The following ADAM29 variants were observed in gnomAD, a reference collection of about 807,000 sequenced individuals.
ADAM29 encodes ADAM metallopeptidase domain 29, also known as disintegrin and metalloproteinase domain-containing protein 29.
For synonymous variants in ADAM29, 367 were observed against 342.3 expected (o/e 1.07, Z -0.80); for missense variants, 969 against 1,001.8 (o/e 0.97, Z 0.44).
chr4:174,973,126 T>A (rs1746562190), intron 4 of ADAM29, among the ~76,000 whole-genome samples: 1 of 152,114 alleles, frequency 6.6e-6, no homozygotes, highest in South Asian at 2.1e-4. Flanking sequence ...GAAGTTGGGT[T>A]ATGGGGGGGC....
At chr4:174,964,161 T>C (rs1445518168) in intron 4 of ADAM29, among the ~76,000 whole-genome samples, 2 of 152,044 alleles carry the variant, frequency 1.3e-5, no homozygotes, top group Non-Finnish European at 2.9e-5. Context: ...CATTTGGAGA[T>C]AGCTTCTATA....
At position 174,975,990 on chromosome 4, in the gene ADAM29, G is replaced by A. The variant is rs1746759766; in HGVS notation, c.465G>A (p.Glu155=). Residue 155 remains glutamate (E), a synonymous_variant, in exon 5 of 5, where the codon GAG becomes GAA. Transcript: ENST00000359240. ...ATCTGGTATACAAGATGGACAGTGAGGAGAAACAATTTTCAACCATGAGAT... is the reference window on the plus strand; with the variant it reads ...ATCTGGTATACAAGATGGACAGTGAAGAGAAACAATTTTCAACCATGAGAT... ...FEHLVYKMDS[E]EKQFSTMRSG... is the part of the protein sequence containing the mutation. The A allele has an allele frequency of 1.9e-6, 3 of 1,613,966 alleles. No individual in the cohort carries two copies. The highest frequency in any genetic ancestry group is 4.5e-5 in the East Asian group (2 of 44,872).
intron 4 of ADAM29, among the ~76,000 whole-genome samples, chr4:174,964,138 G>A (rs527909076): frequency 1.3e-5 from 2 of 152,108 alleles, no homozygotes; most frequent in Admixed American, 1.3e-4. Context: ...CCCAGTACTT[G>A]AGAATGTGAC....
intron 2 of ADAM29, among the ~76,000 whole-genome samples, chr4:174,927,226 TCTA>T (rs1743571948): frequency 6.6e-6 from 1 of 152,220 alleles, no homozygotes; most frequent in Non-Finnish European, 1.5e-5. Flanking sequence ...AACCAGCCAC[TCTA>T]CTTTTAGGTG....
intron 4 of ADAM29, among the ~76,000 whole-genome samples, chr4:174,966,756 C>T (rs1476280889): frequency 6.6e-6 from 1 of 152,166 alleles, no homozygotes; most frequent in Non-Finnish European, 1.5e-5. Context: ...GTCCCTCACT[C>T]TTTGAGACCA....
chr4:174,918,812 A>G (rs1015390174), intron 1 of ADAM29: 28 of 152,300 alleles, frequency 1.8e-4, no homozygotes, highest in Admixed American at 1.7e-3. Flanking sequence ...TCTCAGGAGT[A>G]TAAATTGAAT....
chr4:174,928,677 A>G (rs1743669688), intron 2 of ADAM29, among the ~76,000 whole-genome samples: 1 of 152,056 alleles, frequency 6.6e-6, no homozygotes. Flanking sequence ...CCTGAAACAA[A>G]AGATGGGACA....
At chr4:174,951,080 G>C (rs1745149519) in intron 4 of ADAM29, among the ~76,000 whole-genome samples, 1 of 152,138 alleles carries the variant, frequency 6.6e-6, no homozygotes. Context: ...TTATAGTAGT[G>C]TGAAAATGGA....
chr4:174,962,213 A>C (rs537040100), intron 4 of ADAM29, among the ~76,000 whole-genome samples: 1 of 152,306 alleles, frequency 6.6e-6, no homozygotes, highest in South Asian at 2.1e-4. Context: ...ATCATGTTAA[A>C]AAGATTTACA....
intron 4 of ADAM29, among the ~76,000 whole-genome samples, chr4:174,962,616 G>A (rs754373561): frequency 1.9e-4 from 29 of 151,736 alleles, no homozygotes; most frequent in Non-Finnish European, 3.8e-4. Context: ...GAAAATGCTA[G>A]AGTGGATTTT....
intron 4 of ADAM29, among the ~76,000 whole-genome samples, chr4:174,960,444 A>G (rs986709472): frequency 1.3e-5 from 2 of 152,118 alleles, no homozygotes; most frequent in African/African-American, 4.8e-5. Flanking sequence ...AGTTTTTTAA[A>G]AAGTATTTAG....
Position 174,977,925 on chromosome 4 carries a change from A to AGAGTCAACCTCCTGTGACG in ADAM29, c.2400_2401insGAGTCAACCTCCTGTGACG (p.Pro801GlufsTer65), listed in dbSNP as rs1746995669. 1 of 1,303,916 alleles carries AGAGTCAACCTCCTGTGACG rather than the reference A, an allele frequency of 7.7e-7. No individual in the cohort carries two copies. Among genetic ancestry groups the AGAGTCAACCTCCTGTGACG allele is most frequent in the South Asian group, 1.3e-5 (1 of 75,026 alleles). The allele number at this position is 1,303,916 out of a possible 1,614,324, so 80.8% of individuals were successfully genotyped here. ...CTTCCCAGAGTCAACCTCCTGTGAC[A>AGAGTCAACCTCCTGTGACG]CCCTCCCAGAGGCAACCTCAGTTGA... On this transcript the variant is annotated frameshift_variant, in exon 5 of 5. Coordinates refer to ENST00000359240, the MANE Select transcript of ADAM29 (RefSeq NM_014269.4). LOFTEE classifies it high-confidence loss of function.
At position 174,976,594 on chromosome 4, in the gene ADAM29, C is replaced by T. The variant is rs756501819; in HGVS notation, c.1069C>T (p.His357Tyr). ...CRCSQPRCIM[H>Y]EGNPPITKFS... is the part of the protein sequence containing the mutation. ...TTGTTCACAACCTAGATGCATAATG[C>T]ATGAAGGCAACCCACCAATAACTAA... Residue 357 changes from histidine (H) to tyrosine (Y), a missense_variant, in exon 5 of 5, where the codon CAT (histidine) becomes TAT (tyrosine). His to Tyr is a moderately conservative substitution (Grantham distance 83). Transcript: ENST00000359240. 2.0e-5 allele frequency: 32 copies of T among 1,605,128 alleles called. No individual in the cohort carries two copies. Among genetic ancestry groups the T allele is most frequent in the Non-Finnish European group, 2.6e-5 (31 of 1,175,692 alleles).
At chr4:174,948,279 T>C (rs1223989392) in intron 4 of ADAM29, among the ~76,000 whole-genome samples, 1 of 152,192 alleles carries the variant, frequency 6.6e-6, no homozygotes, top group Non-Finnish European at 1.5e-5. Flanking sequence ...TTCTTTCTTA[T>C]CTGTCTGGGC....
At chr4:174,947,982 T>G (rs1744948926) in intron 4 of ADAM29, among the ~76,000 whole-genome samples, 1 of 152,240 alleles carries the variant, frequency 6.6e-6, no homozygotes, top group East Asian at 1.9e-4. Context: ...TATGACCATA[T>G]TATGACATTC....
chr4:174,949,827 C>A (rs1287746830), intron 4 of ADAM29, among the ~76,000 whole-genome samples: 2 of 152,210 alleles, frequency 1.3e-5, no homozygotes, highest in East Asian at 1.9e-4. Context: ...GCTATTAATC[C>A]TTTCCCCCTC....
intron 2 of ADAM29, among the ~76,000 whole-genome samples, chr4:174,922,884 G>A (rs565265241): frequency 3.3e-5 from 5 of 151,336 alleles, no homozygotes; most frequent in Non-Finnish European, 5.9e-5. Context: ...ATAATTCACC[G>A]TGAATAGCAA....
intron 3 of ADAM29, among the ~76,000 whole-genome samples, chr4:174,933,319 G>A (rs1018870589): frequency 3.9e-5 from 6 of 152,108 alleles, no homozygotes; most frequent in South Asian, 2.1e-4. Flanking sequence ...GAAACTTCTC[G>A]AGCTCCCTAA....
At chr4:174,927,332 T>G (rs1743578818) in intron 2 of ADAM29, among the ~76,000 whole-genome samples, 1 of 152,238 alleles carries the variant, frequency 6.6e-6, no homozygotes, top group Non-Finnish European at 1.5e-5. Flanking sequence ...ATTGTGTTTT[T>G]TTTTAAACAG....
Sources: allele counts gnomAD v4.1 joint callset (sites outside exome capture counted in the v4.1 genomes callset), GRCh38; gene constraint gnomAD v4.1.1; transcripts MANE v1.5; gene names NCBI Gene and HGNC (gene_info 2026-07-23, HGNC 2026-07-21).